Variants in CLEC4C observed in about 807,000 individuals in gnomAD.
The protein encoded by CLEC4C is C-type (calcium dependent, carbohydrate-recognition domain) lectin, superfamily member 11.
In CLEC4C, 17 loss-of-function variants were observed where a neutral mutation model predicts 27.7. The ratio of observed to expected loss-of-function variants is 0.61; its 90% CI spans 0.42 to 0.92. CLEC4C has a LOEUF of 0.92. CLEC4C is among the 40% of genes least tolerant of loss of function. The probability of loss-of-function intolerance (pLI) is 0.00; values close to 1 mark genes in which losing one functional copy is unlikely to be tolerated. For missense variants in CLEC4C, 244 were observed against 257.3 expected, an observed-to-expected ratio of 0.95 and a Z score of 0.35; for synonymous variants, 80 against 80.8, an observed-to-expected ratio of 0.99 and a Z score of 0.06.
chr12:7,732,133 GA>G, intron 4 of CLEC4C, among the ~76,000 whole-genome samples: 1 of 152,088 alleles, frequency 6.6e-6, no homozygotes, highest in East Asian at 1.9e-4. Context: ...GGGTTCAAGT[GA>G]GTATCCTGCC....
At chr12:7,735,516 A>C (rs1318719130) in intron 4 of CLEC4C, among the ~76,000 whole-genome samples, 1 of 148,800 alleles carries the variant, frequency 6.7e-6, no homozygotes, top group Non-Finnish European at 1.5e-5. Flanking sequence ...GAAAAAAAAA[A>C]AAAAAAACGG....
chr12:7,738,879 T>C (rs187376401), intron 3 of CLEC4C, among the ~76,000 whole-genome samples: 128 of 152,250 alleles, frequency 8.4e-4, no homozygotes, highest in Admixed American at 2.7e-3. Flanking sequence ...AGGTTACATA[T>C]GTATACATGT....
intron 2 of CLEC4C, among the ~76,000 whole-genome samples, chr12:7,744,206 T>G (rs954553002): frequency 6.6e-6 from 1 of 152,212 alleles, no homozygotes; most frequent in Non-Finnish European, 1.5e-5. Flanking sequence ...AACATGAGAC[T>G]TGGAAGGGAC....
At chr12:7,734,681 T>C (rs1233048561) in intron 4 of CLEC4C, among the ~76,000 whole-genome samples, 2 of 151,588 alleles carry the variant, frequency 1.3e-5, no homozygotes, top group Non-Finnish European at 2.9e-5. Context: ...CCCGAGTAAC[T>C]GTGATTACAG....
rs1353458785 is a variant in CLEC4C, at chr12:7,746,407, C to G, written c.48G>C (p.Trp16Cys). The G allele has an allele frequency of 6.2e-7, 1 of 1,612,204 alleles. No homozygotes were observed. The highest frequency in any genetic ancestry group is 1.7e-5 in the Admixed American group (1 of 59,958). The part of the protein sequence containing the change: ...EPQDREKGLW[W>C]FQLKVWSMAV... ...CCATGGACCAGACCTTCAACTGGAACCACCAGAGTCCTTTCTCTGTCAGAT... is the reference window on the plus strand; with the variant it reads ...CCATGGACCAGACCTTCAACTGGAAGCACCAGAGTCCTTTCTCTGTCAGAT... Residue 16 changes from tryptophan (W) to cysteine (C), a missense_variant, in exon 2 of 6, where the codon TGG becomes TGC. Trp to Cys is a radical substitution (Grantham distance 215, BLOSUM62 -2). Coordinates refer to ENST00000360345, the MANE Select transcript of CLEC4C (RefSeq NM_001371390.1).
At chr12:7,742,933 C>T (rs923426516) in intron 2 of CLEC4C, among the ~76,000 whole-genome samples, 2 of 152,106 alleles carry the variant, frequency 1.3e-5, no homozygotes, top group Non-Finnish European at 2.9e-5. Flanking sequence ...TTTTCTCATG[C>T]TTCTTTCTGT....
intron 4 of CLEC4C, among the ~76,000 whole-genome samples, chr12:7,735,798 T>A (rs1864712838): frequency 6.7e-6 from 1 of 148,898 alleles, no homozygotes; most frequent in South Asian, 2.1e-4. Context: ...CAAGACTCCA[T>A]CTCAAAAAAA....
At chr12:7,737,319 CA>C in intron 4 of CLEC4C, 109 bp downstream of exon 4, 1 of 960,376 alleles carries the variant, frequency 1.0e-6, no homozygotes, top group Non-Finnish European at 1.4e-6. Context: ...TTTTTTTACC[CA>C]GAAGTTTTTT....
intron 5 of CLEC4C, 158 bp downstream of exon 5, chr12:7,730,639 T>TAAAA: frequency 3.1e-5 from 9 of 285,768 alleles, no homozygotes; most frequent in South Asian, 7.6e-5. Context: ...GACTCTTGTC[T>TAAAA]AAAAAAAAAA....
At position 7,729,495 on chromosome 12, in the gene CLEC4C, G is replaced by T; in HGVS notation, c.*101C>A. On this transcript the variant is annotated 3_prime_UTR_variant, in exon 6 of 6. Coordinates refer to ENST00000360345, the MANE Select transcript of CLEC4C (RefSeq NM_001371390.1). ...TGACAGCCTGCTGAAACATTTTAGG[G>T]GCATTCCTTGTACAAAACTTACACA... 1 of 1,034,918 alleles carries T rather than the reference G, an allele frequency of 9.7e-7. No individual in the cohort carries two copies. Among genetic ancestry groups the T allele is most frequent in the Non-Finnish European group, 1.4e-6 (1 of 699,802 alleles). The allele number at this position is 1,034,918 out of a possible 1,614,324, so 64.1% of individuals were successfully genotyped here.
At chr12:7,748,369 T>A (rs947828302), upstream of CLEC4C, among the ~76,000 whole-genome samples, 1 of 152,010 alleles carries the variant, frequency 6.6e-6, no homozygotes, top group Non-Finnish European at 1.5e-5. Flanking sequence ...CTACTAAAAA[T>A]ACAAAAATTA....
chr12:7,746,169 A>G (rs997044844), intron 2 of CLEC4C, among the ~76,000 whole-genome samples, 162 bp downstream of exon 2: 4 of 149,430 alleles, frequency 2.7e-5, no homozygotes, highest in East Asian at 2.0e-4. Flanking sequence ...AGCCGAGATC[A>G]CGCCACTGCA....
rs1334672801 is a variant in CLEC4C, at chr12:7,735,704, CAGAG to C, written c.381+1721_381+1724del. ...CCTGTAATCCCAGCTACTCGGGAGACAGAGAGGAGAATCGCTTGAACGCAGGAGG... is the reference window on the plus strand; with the variant it reads ...CCTGTAATCCCAGCTACTCGGGAGACAGGAGAATCGCTTGAACGCAGGAGG... On this transcript the variant is annotated intron_variant, in intron 4 of 5. Transcript: ENST00000360345. Among the ~76,000 whole-genome samples the C allele has an allele frequency of 6.1e-5, 9 of 147,550 alleles. No individual in the cohort carries two copies. In the East Asian group the frequency reaches 1.8e-3, roughly 30 times the overall value.
intron 1 of CLEC4C, 120 bp from the exon 2 acceptor site, chr12:7,746,543 G>GA (rs1205015339): frequency 8.2e-6 from 5 of 607,732 alleles, no homozygotes; most frequent in South Asian, 2.1e-5. Flanking sequence ...AATTAAAACA[G>GA]AAAAAATGTG....
chr12:7,731,386 A>G (rs1449620838), intron 4 of CLEC4C, among the ~76,000 whole-genome samples: 2 of 152,194 alleles, frequency 1.3e-5, no homozygotes, highest in Admixed American at 6.6e-5. Flanking sequence ...GGTCTGTAAG[A>G]GAGTGGGCCT....
chr12:7,746,371 G>C lies in CLEC4C; in HGVS notation c.84C>G (p.Ser28=), dbSNP rs1864983088. The change falls in exon 2 of 6, where the codon TCC becomes TCG. Residue 28 remains serine, a synonymous_variant. Transcript: ENST00000360345. ...QLKVWSMAVV[S]ILLLSVCFTV... ...TGAAACAGACACTGAGGAGCAAGAT[G>C]GATACGACTGCCATGGACCAGACCT... The C allele has an allele frequency of 1.2e-6, 2 of 1,613,852 alleles. No homozygotes were observed. The highest frequency in any genetic ancestry group is 1.7e-6 in the Non-Finnish European group (2 of 1,179,820).
chr12:7,743,242 C>T (rs1864897630), intron 2 of CLEC4C, among the ~76,000 whole-genome samples: 1 of 152,082 alleles, frequency 6.6e-6, no homozygotes, highest in Non-Finnish European at 1.5e-5. Flanking sequence ...GTAAGTAAAC[C>T]ATTTGGGTCA....
chr12:7,731,756 G>A (rs1175419992), intron 4 of CLEC4C, among the ~76,000 whole-genome samples: 3 of 152,126 alleles, frequency 2.0e-5, no homozygotes, highest in Non-Finnish European at 4.4e-5. Context: ...CTAAGTGACA[G>A]CATTCTTCAA....
chr12:7,739,943 T>G (rs1010027788), intron 3 of CLEC4C, among the ~76,000 whole-genome samples: 4 of 151,706 alleles, frequency 2.6e-5, no homozygotes, highest in African/African-American at 9.7e-5. Flanking sequence ...CAAGTGATTC[T>G]CCTGCCTCAG....
Sources: allele counts gnomAD v4.1 joint callset (sites outside exome capture counted in the v4.1 genomes callset), GRCh38; gene constraint gnomAD v4.1.1; transcripts MANE v1.5; gene names NCBI Gene and HGNC (gene_info 2026-07-23, HGNC 2026-07-21).